Variants in MCC observed in about 807,000 individuals in gnomAD.
MCC encodes the protein MCC regulator of Wnt signaling pathway, also known as colorectal mutant cancer protein.
A neutral mutation model predicts 116.2 loss-of-function variants in MCC; 90 were observed. The ratio of observed to expected loss-of-function variants is 0.77; its 90% CI spans 0.65 to 0.92. The LOEUF (loss-of-function observed/expected upper bound fraction) is 0.92. MCC is among the 40% of genes least tolerant of loss of function. The pLI, the probability that MCC is intolerant of heterozygous loss-of-function variation, is 0.00. For synonymous variants in MCC, 578 were observed against 510.5 expected, an observed-to-expected ratio of 1.13 and a Z score of -1.78; for missense variants, 1,516 against 1,312.2, an observed-to-expected ratio of 1.16 and a Z score of -2.40.
intron 18 of MCC, among the ~76,000 whole-genome samples, chr5:113,028,472 A>G (rs1268303156): frequency 2.0e-5 from 3 of 152,172 alleles, no homozygotes; most frequent in African/African-American, 7.2e-5. Flanking sequence ...TACAACTTAC[A>G]GGAACAAAAG....
chr5:113,478,651 G>A (rs2150434855), intron 1 of MCC, among the ~76,000 whole-genome samples: 1 of 152,290 alleles, frequency 6.6e-6, no homozygotes, highest in South Asian at 2.1e-4. Context: ...TGAAATTCAA[G>A]GGAGACATTG....
chr5:113,029,094 G>A, intron 17 of MCC, 38 bp from the exon 18 acceptor site: 1 of 1,584,820 alleles, frequency 6.3e-7, no homozygotes, highest in East Asian at 2.3e-5. Flanking sequence ...GGAGTAGTTT[G>A]AGATGATGCT....
In MCC at chr5:113,294,437, A is replaced by C. The variant is rs771337772; in HGVS notation, c.627+46082T>G. On this transcript the variant is annotated intron_variant, in intron 3 of 18. Coordinates refer to ENST00000408903, the MANE Select transcript of MCC (RefSeq NM_001085377.2). Reference sequence around the variant, plus strand: ...AGTCCCCCAGGTCTCGGAGCTTAAGAGTTGGACTTCACAGGCTCAATATCC... The same window carrying C: ...AGTCCCCCAGGTCTCGGAGCTTAAGCGTTGGACTTCACAGGCTCAATATCC... The C allele has an allele frequency of 3.7e-6, 6 of 1,612,394 alleles. No individual in the cohort carries two copies. The African/African-American group carries it at 6.7e-5, about 18-fold the overall frequency.
intron 1 of MCC, among the ~76,000 whole-genome samples, chr5:113,468,392 A>G (rs1403542406): frequency 6.6e-6 from 1 of 152,174 alleles, no homozygotes; most frequent in Non-Finnish European, 1.5e-5. Flanking sequence ...TTAGCATGAA[A>G]GGTTGTTGAA....
intron 2 of MCC, among the ~76,000 whole-genome samples, chr5:113,374,925 A>C (rs534410691): frequency 6.7e-6 from 1 of 149,164 alleles, no homozygotes; most frequent in East Asian, 2.0e-4. Context: ...CCAGGAGGTC[A>C]AGGCTGCAGT....
chr5:113,455,840 T>C (rs1344602633), intron 1 of MCC, among the ~76,000 whole-genome samples: 2 of 152,220 alleles, frequency 1.3e-5, no homozygotes, highest in African/African-American at 4.8e-5. Context: ...AGCCGTCCAT[T>C]TTACAGCTTT....
chr5:113,041,540 G>A (rs1271141456), intron 17 of MCC, among the ~76,000 whole-genome samples: 1 of 152,150 alleles, frequency 6.6e-6, no homozygotes. Context: ...GAACAGGAGG[G>A]GACCAAATGC....
intron 3 of MCC, among the ~76,000 whole-genome samples, chr5:113,214,405 G>A (rs763116134): frequency 1.3e-5 from 2 of 152,146 alleles, no homozygotes; most frequent in Non-Finnish European, 1.5e-5. Context: ...GTGTTCATTC[G>A]CTGCGCTCCT....
intron 1 of MCC, among the ~76,000 whole-genome samples, chr5:113,408,945 T>G (rs7725712): frequency 6.6e-6 from 1 of 152,006 alleles, no homozygotes; most frequent in Non-Finnish European, 1.5e-5. Flanking sequence ...TTGAATGAAG[T>G]TTTCACAGCT....
rs1048156165 is a variant in MCC at position 113,107,576 on chromosome 5, G to A, written c.1028-3221C>T. Among the ~76,000 whole-genome samples the A allele has an allele frequency of 2.0e-5, 3 of 152,280 alleles. No individual in the cohort carries two copies. The East Asian group carries it at 5.8e-4, about 29-fold the overall frequency. The stretch of plus-strand genomic sequence containing the variant: ...AACTGGAGGCAAAGGACCCAAGTGA[G>A]GAGAAGAACAACTCAGAGACCACAC... On this transcript the variant is annotated intron_variant, in intron 6 of 18. Coordinates refer to ENST00000408903, the MANE Select transcript of MCC (RefSeq NM_001085377.2).
chr5:113,229,523 G>T (rs1178773317), intron 3 of MCC, among the ~76,000 whole-genome samples: 1 of 152,120 alleles, frequency 6.6e-6, no homozygotes. Flanking sequence ...TCCTCCTGAG[G>T]ATTACTGGCC....
intron 17 of MCC, among the ~76,000 whole-genome samples, chr5:113,033,280 G>C (rs771294092): frequency 3.3e-5 from 5 of 152,212 alleles, no homozygotes; most frequent in African/African-American, 9.6e-5. Flanking sequence ...AGGGACTGGC[G>C]TAAGGCAGAA....
intron 3 of MCC, among the ~76,000 whole-genome samples, chr5:113,163,683 C>T (rs570760658): frequency 1.4e-4 from 21 of 152,210 alleles, no homozygotes; most frequent in Admixed American, 7.2e-4. Context: ...ATTTGTTGAA[C>T]GGGTAAAGTT....
At chr5:113,487,905 C>T (rs1002039239) in intron 1 of MCC, among the ~76,000 whole-genome samples, 1 of 152,184 alleles carries the variant, frequency 6.6e-6, no homozygotes, top group African/African-American at 2.4e-5. Flanking sequence ...TGTGGGGCAG[C>T]CCCTCCTACC....
At chr5:113,309,602 AC>A (rs758485545) in intron 3 of MCC, among the ~76,000 whole-genome samples, 2 of 152,014 alleles carry the variant, frequency 1.3e-5, no homozygotes, top group Non-Finnish European at 2.9e-5. Context: ...ATACACACAC[AC>A]CATGTTTTCT....
At chr5:113,188,279 G>A (rs141885190) in intron 3 of MCC, among the ~76,000 whole-genome samples, 1 of 152,232 alleles carries the variant, frequency 6.6e-6, no homozygotes, top group East Asian at 1.9e-4. Flanking sequence ...AAAAAGACAA[G>A]AGCCAGCTGT....
intron 5 of MCC, among the ~76,000 whole-genome samples, chr5:113,133,029 C>T (rs138262657): frequency 5.1e-4 from 78 of 152,022 alleles, no homozygotes; most frequent in African/African-American, 1.8e-3. Flanking sequence ...TTACTGATAC[C>T]GGATAGATAC....
chr5:113,065,642 ACTAGC>A (rs1000442072), intron 13 of MCC, among the ~76,000 whole-genome samples: 4 of 152,220 alleles, frequency 2.6e-5, no homozygotes, highest in African/African-American at 9.7e-5. Context: ...TTTGAAAACC[ACTAGC>A]CTAAAGCACC....
chr5:113,163,277 A>T (rs1760595417), intron 3 of MCC, among the ~76,000 whole-genome samples: 2 of 152,370 alleles, frequency 1.3e-5, no homozygotes, highest in Non-Finnish European at 1.5e-5. Context: ...CACAAAGGTC[A>T]TCTATTCATG....
Sources: allele counts gnomAD v4.1 joint callset (sites outside exome capture counted in the v4.1 genomes callset), GRCh38; gene constraint gnomAD v4.1.1; transcripts MANE v1.5; gene names NCBI Gene and HGNC (gene_info 2026-07-23, HGNC 2026-07-21).